TYW1B: variants seen among roughly 807,000 people sequenced by gnomAD.
The protein encoded by TYW1B is tRNA-yW synthesizing protein 1 homolog B.
A neutral mutation model predicts 86.9 loss-of-function variants in TYW1B; 73 were observed. The observed-to-expected ratio is 0.84, with a 90% confidence interval of 0.70 to 1.02. The LOEUF (loss-of-function observed/expected upper bound fraction) is 1.02. TYW1B is among the 50% of genes least tolerant of loss of function. The pLI, the probability that TYW1B is intolerant of heterozygous loss-of-function variation, is 0.00. For synonymous variants in TYW1B, 248 were observed against 292.8 expected, an observed-to-expected ratio of 0.85 and a Z score of 1.56; for missense variants, 637 against 827.4, an observed-to-expected ratio of 0.77 and a Z score of 2.82.
intron 11 of TYW1B, among the ~76,000 whole-genome samples, chr7:72,693,252 C>G (rs2960960): frequency 0.79 from 120,672 of 151,954 alleles, 48,440 homozygotes; most frequent in Middle Eastern, 0.87. Context: ...GAAAAGGAAG[C>G]TAAGTATGCC....
intron 7 of TYW1B, among the ~76,000 whole-genome samples, chr7:72,773,726 T>C (rs1787904860): frequency 6.6e-6 from 1 of 152,120 alleles, no homozygotes. Context: ...ACTAGACATT[T>C]AGAGAAGAAA....
chr7:72,602,830 C>G (rs1464994105), intron 13 of TYW1B, among the ~76,000 whole-genome samples: 1 of 97,856 alleles, frequency 1.0e-5, no homozygotes, highest in Non-Finnish European at 2.0e-5. Context: ...AGAAAGTGCT[C>G]AAAACACACA....
chr7:72,716,161 T>A (rs2154642), intron 9 of TYW1B, among the ~76,000 whole-genome samples: 118,171 of 151,718 alleles, frequency 0.78, 46,636 homozygotes, highest in Middle Eastern at 0.86. Flanking sequence ...ATGGTCTCGA[T>A]CTCCTGACCT....
intron 6 of TYW1B, among the ~76,000 whole-genome samples, chr7:72,780,786 T>C (rs1460147462): frequency 2.6e-5 from 4 of 152,174 alleles, no homozygotes; most frequent in Non-Finnish European, 4.4e-5. Flanking sequence ...CCATATGCAG[T>C]AGTAATTTCG....
intron 7 of TYW1B, among the ~76,000 whole-genome samples, chr7:72,747,490 T>C (rs2129571404): frequency 6.6e-6 from 1 of 152,318 alleles, no homozygotes; most frequent in Middle Eastern, 3.4e-3. Context: ...CAGTTAAACA[T>C]ATTTTGTGAG....
At chr7:72,581,675 T>G (rs1811155541) in intron 13 of TYW1B, among the ~76,000 whole-genome samples, 2 of 151,994 alleles carry the variant, frequency 1.3e-5, no homozygotes, top group Non-Finnish European at 2.9e-5. Flanking sequence ...GCCAGGCTGG[T>G]CTTTAGTCTC....
At chr7:72,815,068 CAAAAAAAAAAA>C (rs576240918) in intron 3 of TYW1B, among the ~76,000 whole-genome samples, 1 of 73,112 alleles carries the variant, frequency 1.4e-5, no homozygotes, top group South Asian at 5.4e-4. Context: ...GACTCCATCT[CAAAAAAAAAAA>C]AAAAAAAAAA....
At chr7:72,712,418 T>A (rs1786687899) in intron 10 of TYW1B, among the ~76,000 whole-genome samples, 1 of 152,018 alleles carries the variant, frequency 6.6e-6, no homozygotes, top group Admixed American at 6.6e-5. Context: ...AACCTCCGCC[T>A]CCCGGGTTCA....
intron 11 of TYW1B, among the ~76,000 whole-genome samples, chr7:72,691,513 T>C (rs1814159778): frequency 2.0e-5 from 3 of 152,220 alleles, no homozygotes; most frequent in Admixed American, 2.0e-4. Flanking sequence ...CAAAGGCCAG[T>C]GACTTCAAGG....
intron 9 of TYW1B, among the ~76,000 whole-genome samples, chr7:72,717,499 T>C (rs1347625912): frequency 6.6e-6 from 1 of 152,038 alleles, no homozygotes; most frequent in Non-Finnish European, 1.5e-5. Context: ...AAATAAAGCC[T>C]TCACAGAAAA....
At position 72,581,603 on chromosome 7, in the gene TYW1B, T is replaced by C. The variant is rs1414438543; in HGVS notation, c.1786-5884A>G. Among the ~76,000 whole-genome samples the C allele has an allele frequency of 8.7e-5, 13 of 150,220 alleles. No individual in the cohort carries two copies. The East Asian group carries it at 2.6e-3, about 30-fold the overall frequency. Reference sequence around the variant, plus strand: ...CCTCCTGAGTAGCTGGGATTACAGGTGTGCACCACCATACCCAGCTAATTT... The same window carrying C: ...CCTCCTGAGTAGCTGGGATTACAGGCGTGCACCACCATACCCAGCTAATTT... On this transcript the variant is annotated intron_variant, in intron 13 of 13. Coordinates refer to ENST00000620995, the MANE Select transcript of TYW1B (RefSeq NM_001145440.3).
intron 8 of TYW1B, among the ~76,000 whole-genome samples, chr7:72,730,949 C>T (rs1554459781): frequency 1.4e-5 from 2 of 143,986 alleles, no homozygotes; most frequent in African/African-American, 5.1e-5. Flanking sequence ...AAAAAAAAGC[C>T]TCCTTGAGAC....
At chr7:72,788,901 G>C (rs1267048769) in intron 6 of TYW1B, among the ~76,000 whole-genome samples, 1 of 151,922 alleles carries the variant, frequency 6.6e-6, no homozygotes, top group Non-Finnish European at 1.5e-5. Context: ...TGTGATCATA[G>C]CTCACTGCAG....
chr7:72,769,191 G>C (rs1264177466), intron 7 of TYW1B: 8 of 405,110 alleles, frequency 2.0e-5, no homozygotes, highest in African/African-American at 1.5e-4. Context: ...CCATTTTATT[G>C]ACTGAGAAGA....
chr7:72,823,513 A>G (rs1247038238), intron 2 of TYW1B, among the ~76,000 whole-genome samples: 4 of 151,840 alleles, frequency 2.6e-5, no homozygotes, highest in African/African-American at 9.7e-5. Context: ...CCAGCTACTC[A>G]GGAGGCTGAG....
At chr7:72,585,504 C>T (rs573544321) in intron 13 of TYW1B, among the ~76,000 whole-genome samples, 57 of 152,268 alleles carry the variant, frequency 3.7e-4, no homozygotes, top group East Asian at 1.4e-3. Flanking sequence ...CTGCTTGATA[C>T]AGTTTGGCTG....
intron 3 of TYW1B, 86 bp from the exon 4 acceptor site, chr7:72,810,751 A>G: frequency 2.0e-6 from 3 of 1,484,496 alleles, no homozygotes; most frequent in Non-Finnish European, 2.7e-6. Context: ...AAGCATACTC[A>G]TCTCAAAGAA....
chr7:72,758,613 C>T (rs1554466675), intron 7 of TYW1B, among the ~76,000 whole-genome samples: 2 of 152,100 alleles, frequency 1.3e-5, no homozygotes, highest in Admixed American at 1.3e-4. Context: ...CCATGATTCG[C>T]CTTTTCTGCC....
intron 12 of TYW1B, among the ~76,000 whole-genome samples, chr7:72,619,606 A>G (rs1340641479): frequency 1.3e-5 from 2 of 148,182 alleles, no homozygotes; most frequent in Non-Finnish European, 3.0e-5. Context: ...GCGCCACTGC[A>G]GTCCGCAGTC....
Sources: allele counts gnomAD v4.1 joint callset (sites outside exome capture counted in the v4.1 genomes callset), GRCh38; gene constraint gnomAD v4.1.1; transcripts MANE v1.5; gene names NCBI Gene and HGNC (gene_info 2026-07-23, HGNC 2026-07-21).